The following ENTREP2 variants were observed in gnomAD, a reference collection of about 807,000 sequenced individuals.
The protein encoded by ENTREP2 is endosomal transmembrane epsin interactor 2.
chr15:29,147,108 C>T, the ENTREP2 span, among the ~76,000 whole-genome samples: 7 of 152,170 alleles, frequency 4.6e-5, no homozygotes, highest in Admixed American at 4.6e-4. Context: ...GAAAAGATAA[C>T]CCACAGGGTG....
the ENTREP2 span, among the ~76,000 whole-genome samples, chr15:29,237,479 C>G: frequency 6.6e-6 from 1 of 151,468 alleles, no homozygotes; most frequent in Non-Finnish European, 1.5e-5. Flanking sequence ...ATATTTAATC[C>G]CATTAGGTTG....
At chr15:29,234,609 A>T in the ENTREP2 span, 1 of 1,539,512 alleles carries the variant, frequency 6.5e-7, no homozygotes, top group Non-Finnish European at 9.0e-7. Flanking sequence ...TCTTTTGTGC[A>T]GCTAGTTTTG....
the ENTREP2 span, among the ~76,000 whole-genome samples, chr15:29,209,724 C>T: frequency 6.6e-6 from 1 of 152,026 alleles, no homozygotes; most frequent in African/African-American, 2.4e-5. Context: ...AAAAGGTGGG[C>T]TTCTTCCAAG....
chr15:29,371,967 GA>G, the ENTREP2 span, among the ~76,000 whole-genome samples: 6 of 151,842 alleles, frequency 4.0e-5, no homozygotes, highest in African/African-American at 1.5e-4. Flanking sequence ...TACAATCAAA[GA>G]ATTAATGGAA....
chr15:29,126,323 G>T, the ENTREP2 span: 1 of 1,519,364 alleles, frequency 6.6e-7, no homozygotes, highest in Non-Finnish European at 8.8e-7. Context: ...CACACGCCCG[G>T]GACCTGGCTG....
chr15:29,530,346 G>A, the ENTREP2 span, among the ~76,000 whole-genome samples: 1 of 152,112 alleles, frequency 6.6e-6, no homozygotes, highest in African/African-American at 2.4e-5. Flanking sequence ...GGCCAGGGAT[G>A]GTAGCCATCC....
the ENTREP2 span, among the ~76,000 whole-genome samples, chr15:29,342,862 A>G: frequency 1.3e-5 from 2 of 152,196 alleles, no homozygotes. Flanking sequence ...CACGATCTGA[A>G]TTAGAAATAT....
the ENTREP2 span, among the ~76,000 whole-genome samples, chr15:29,425,199 G>GTT: frequency 0.2 from 27,067 of 133,020 alleles, 3,035 homozygotes; most frequent in Middle Eastern, 0.39. Context: ...CAGGTTTTTT[G>GTT]TTTTTTTTTT....
the ENTREP2 span, among the ~76,000 whole-genome samples, chr15:29,402,687 G>A: frequency 6.6e-6 from 1 of 152,290 alleles, no homozygotes; most frequent in South Asian, 2.1e-4. Context: ...TTGCAAAATG[G>A]TGTGGAAAGT....
the ENTREP2 span, among the ~76,000 whole-genome samples, chr15:29,378,077 T>C: frequency 6.6e-6 from 1 of 151,896 alleles, no homozygotes. Flanking sequence ...CAGACTACAG[T>C]TGGCTGGAAC....
chr15:29,667,091 T>C, the ENTREP2 span, among the ~76,000 whole-genome samples: 4 of 152,196 alleles, frequency 2.6e-5, no homozygotes, highest in African/African-American at 4.8e-5. Flanking sequence ...CATGACCTCA[T>C]GTTAACTTGA....
the ENTREP2 span, among the ~76,000 whole-genome samples, chr15:29,674,576 GAC>G: frequency 3.3e-5 from 5 of 152,098 alleles, no homozygotes; most frequent in African/African-American, 1.2e-4. Context: ...CTTGAGCACA[GAC>G]TTTTAATCAG....
At chr15:29,271,686 C>G in the ENTREP2 span, among the ~76,000 whole-genome samples, 3 of 152,150 alleles carry the variant, frequency 2.0e-5, no homozygotes, top group African/African-American at 7.2e-5. Flanking sequence ...TTGCTCTGAT[C>G]AATCACGACC....
At chr15:29,667,529 T>C in the ENTREP2 span, among the ~76,000 whole-genome samples, 1 of 140,708 alleles carries the variant, frequency 7.1e-6, no homozygotes, top group African/African-American at 2.7e-5. Context: ...TTCGTTCTTG[T>C]CACCTAGGCT....
At chr15:29,567,046 T>C in the ENTREP2 span, among the ~76,000 whole-genome samples, 4 of 152,200 alleles carry the variant, frequency 2.6e-5, no homozygotes, top group Admixed American at 6.5e-5. Context: ...CCAGCTCTCT[T>C]AGTCTTCTAA....
chr15:29,192,210 T>C, the ENTREP2 span, among the ~76,000 whole-genome samples: 13 of 152,320 alleles, frequency 8.5e-5, no homozygotes, highest in African/African-American at 2.6e-4. Context: ...ACAGCATTAA[T>C]GACCATCACA....
chr15:29,478,487 T>C, the ENTREP2 span, among the ~76,000 whole-genome samples: 778 of 152,308 alleles, frequency 5.1e-3, 7 homozygotes, highest in African/African-American at 0.018. Context: ...CCAGATTTCA[T>C]GTTGAGATAT....
At chr15:29,124,297 G>T in the ENTREP2 span, among the ~76,000 whole-genome samples, 22 of 152,244 alleles carry the variant, frequency 1.4e-4, no homozygotes. Context: ...ACCAGCGAAG[G>T]CCCGGCTTGC....
At chr15:29,287,332 G>A in the ENTREP2 span, among the ~76,000 whole-genome samples, 1 of 149,572 alleles carries the variant, frequency 6.7e-6, no homozygotes, top group African/African-American at 2.5e-5. Context: ...GGTTACAATT[G>A]GATTGCTCCA....
Sources: allele counts gnomAD v4.1 joint callset (sites outside exome capture counted in the v4.1 genomes callset), GRCh38; gene constraint gnomAD v4.1.1; transcripts MANE v1.5; gene names NCBI Gene and HGNC (gene_info 2026-07-23, HGNC 2026-07-21).